The following TCP1 variants were observed in gnomAD, a reference collection of about 807,000 sequenced individuals.
TCP1 encodes the protein T-complex protein 1 subunit alpha.
TCP1 carries 6 observed loss-of-function variants against 54.7 expected under a neutral mutation model. The ratio of observed to expected loss-of-function variants is 0.11; its 90% CI spans 0.06 to 0.22. The LOEUF is 0.22. Ranked by LOEUF, TCP1 falls within the 10% of genes least tolerant of loss-of-function variation. The pLI, the probability that TCP1 is intolerant of heterozygous loss-of-function variation, is 1.00. For missense variants in TCP1, 511 were observed against 678.2 expected, an observed-to-expected ratio of 0.75 and a Z score of 2.74; for synonymous variants, 225 against 229.7, an observed-to-expected ratio of 0.98 and a Z score of 0.19.
chr6:159,780,133 T>C, intron 9 of TCP1, 46 bp from the exon 10 acceptor site: 5 of 1,548,598 alleles, frequency 3.2e-6, no homozygotes, highest in Non-Finnish European at 4.4e-6. Context: ...TTTTTAAAAA[T>C]TTTTTTTTGC....
chr6:159,789,464 T>A lies in TCP1; in HGVS notation c.5A>T (p.Glu2Val). 6.2e-7 allele frequency: 1 copy of A among 1,613,056 alleles called. No individual in the cohort carries two copies. Among genetic ancestry groups the A allele is most frequent in the Non-Finnish European group, 8.5e-7 (1 of 1,179,494 alleles). M[E>V]GPLSVFGDRS... ...GTCACCGAACACGGACAAAGGCCCCTCCATCTTGACGGCAGCGATACACGT... is the reference window on the plus strand; with the variant it reads ...GTCACCGAACACGGACAAAGGCCCCACCATCTTGACGGCAGCGATACACGT... The change falls in exon 1 of 12, where the codon GAG becomes GTG. Residue 2 changes from glutamate to valine, a missense_variant. Glu to Val is a moderately radical substitution (Grantham distance 121, BLOSUM62 -2). Coordinates refer to ENST00000321394, the MANE Select transcript of TCP1 (RefSeq NM_030752.3).
At chr6:159,785,042 C>G in intron 5 of TCP1, 195 bp from the exon 6 acceptor site, 1 of 641,736 alleles carries the variant, frequency 1.6e-6, no homozygotes, top group Non-Finnish European at 2.7e-6. Context: ...TTTTTATTAC[C>G]TTTTCACCCT....
chr6:159,785,522 A>C, intron 4 of TCP1, 26 bp from the exon 5 acceptor site: 1 of 1,556,282 alleles, frequency 6.4e-7, no homozygotes, highest in Non-Finnish European at 8.9e-7. Flanking sequence ...GGGGAGAAAA[A>C]CGCTTATAAA....
intron 10 of TCP1, 39 bp downstream of exon 10, chr6:159,779,850 AGCTACT>A: frequency 6.3e-7 from 1 of 1,598,276 alleles, no homozygotes; most frequent in Middle Eastern, 1.7e-4. Flanking sequence ...TGAAGTCCAC[AGCTACT>A]GCTCTCAGGC....
rs185010451 is a variant in TCP1, at chr6:159,788,243, C to T, written c.65-100G>A. 2.3e-4 allele frequency: 250 copies of T among 1,072,696 alleles called. 1 individual carries two copies. The highest frequency in any genetic ancestry group is 7.3e-5 in the Non-Finnish European group (53 of 724,928). 66.4% of individuals were successfully genotyped at this position (1,072,696 alleles called of 1,614,324 possible). A position where few individuals can be genotyped will look rare whatever the true frequency, so the allele number is the denominator to read the frequency against. On this transcript the variant is annotated intron_variant, in intron 1 of 11. Coordinates refer to ENST00000321394, the MANE Select transcript of TCP1 (RefSeq NM_030752.3). Reference sequence around the variant, plus strand: ...AAGGTAAATGACATCCAACAGCCCCCGTATTTCCCAAATCTACAAATCTGT... The same window carrying T: ...AAGGTAAATGACATCCAACAGCCCCTGTATTTCCCAAATCTACAAATCTGT...
chr6:159,780,352 T>A (rs764872608), intron 9 of TCP1, 91 bp downstream of exon 9: 17 of 1,574,364 alleles, frequency 1.1e-5, no homozygotes, highest in East Asian at 2.2e-5. Flanking sequence ...CGTATCACTG[T>A]GAGACTACAA....
chr6:159,787,445 A>AT (rs1583144441), intron 3 of TCP1, among the ~76,000 whole-genome samples: 1 of 152,236 alleles, frequency 6.6e-6, no homozygotes, highest in East Asian at 1.9e-4. Flanking sequence ...AAACTTGTGA[A>AT]TACCAACATT....
Position 159,781,712 on chromosome 6 carries a change from C to T in TCP1, c.798-602G>A, listed in dbSNP as rs534820944. On this transcript the variant is annotated intron_variant, in intron 7 of 11. Transcript: ENST00000321394. ...ACTTAAACCCGGAAGGCGGAGGTCG[C>T]AGTGAGCCGAGACCGTGCCACTGCA... Among the ~76,000 whole-genome samples the T allele has an allele frequency of 1.5e-4, 23 of 152,324 alleles. 1 individual carries two copies. In the South Asian group the frequency reaches 4.8e-3, roughly 32 times the overall value.
At chr6:159,789,256 A>T in intron 1 of TCP1, 149 bp downstream of exon 1, 1 of 848,156 alleles carries the variant, frequency 1.2e-6, no homozygotes, top group Non-Finnish European at 1.8e-6. Flanking sequence ...CCTGCCCCAG[A>T]GAACGGCGGG....
chr6:159,786,523 A>C (rs1780700700), intron 3 of TCP1, among the ~76,000 whole-genome samples: 1 of 152,250 alleles, frequency 6.6e-6, no homozygotes, highest in South Asian at 2.1e-4. Flanking sequence ...GTGACTATTC[A>C]TATGACCTAT....
At chr6:159,785,006 G>A (rs377744833) in intron 5 of TCP1, 159 bp from the exon 6 acceptor site, 47 of 716,500 alleles carry the variant, frequency 6.6e-5, no homozygotes, top group African/African-American at 6.5e-4. Flanking sequence ...ATCACTATCT[G>A]CAATTCATAT....
chr6:159,779,429 C>G (rs1780518376), intron 11 of TCP1, among the ~76,000 whole-genome samples, 168 bp from the exon 12 acceptor site: 1 of 152,144 alleles, frequency 6.6e-6, no homozygotes, highest in African/African-American at 2.4e-5. Flanking sequence ...TCACAGTTAA[C>G]GAAGACACAC....
rs1780555510 is a variant in TCP1, at chr6:159,780,658, A to G, written c.974-92T>C. On this transcript the variant is annotated intron_variant, in intron 8 of 11. Transcript: ENST00000321394. ...GTAGCATTTGTGGTAAAAGTGCTAT[A>G]TTACAAGTTTAGAATTTAGTTAGGC... 3 of 1,490,892 alleles carry G rather than the reference A, an allele frequency of 2.0e-6. No individual in the cohort carries two copies. In the East Asian group the frequency reaches 6.8e-5, roughly 34 times the overall value. 92.4% of individuals were successfully genotyped at this position (1,490,892 alleles called of 1,614,324 possible).
chr6:159,784,773 G>A lies in TCP1; in HGVS notation c.563C>T (p.Pro188Leu). 6.2e-7 allele frequency: 1 copy of A among 1,614,130 alleles called. No homozygotes were observed. Among genetic ancestry groups the A allele is most frequent in the Non-Finnish European group, 8.5e-7 (1 of 1,180,024 alleles). ...ATTAACAGAGTTGACTGGATAGCGT[G>A]GCTGGCCTCTTATGTCTGTGTATTT... ...AIKYTDIRGQ[P>L]RYPVNSVNIL... The change falls in exon 6 of 12, where the codon CCA (proline) becomes CTA (leucine). Residue 188 changes from proline (P) to leucine (L), a missense_variant. Physicochemically the swap from Pro to Leu is moderately conservative, Grantham distance 98. Transcript: ENST00000321394.
intron 1 of TCP1, 98 bp downstream of exon 1, chr6:159,789,307 G>T: frequency 1.4e-6 from 2 of 1,412,444 alleles, no homozygotes; most frequent in Non-Finnish European, 9.8e-7. Context: ...CCCTTTCTGC[G>T]GAGGTAAAGG....
In TCP1 at chr6:159,784,688, G is replaced by A. The variant is rs373508214; in HGVS notation, c.648C>T (p.Leu216=). 4 of 1,613,886 alleles carry A rather than the reference G, an allele frequency of 2.5e-6. No individual in the cohort carries two copies. The highest frequency in any genetic ancestry group is 2.7e-5 in the African/African-American group (2 of 74,922). ...TACCCTGGGATCCCACCACACAGTT[G>A]AGTGCATAGCCACTGATGAGCATAC... The part of the protein sequence containing the change: ...MESMLISGYA[L]NCVVGSQGMP... The change falls in exon 6 of 12, where the codon CTC becomes CTT. Residue 216 remains leucine (L), a synonymous_variant. Coordinates refer to ENST00000321394, the MANE Select transcript of TCP1 (RefSeq NM_030752.3).
intron 6 of TCP1, 44 bp from the exon 7 acceptor site, chr6:159,784,111 A>G: frequency 6.3e-7 from 1 of 1,586,068 alleles, no homozygotes; most frequent in Non-Finnish European, 8.6e-7. Flanking sequence ...TATCCTTAAA[A>G]GCATAATAAA....
chr6:159,780,900 A>G (rs1780561073), intron 8 of TCP1, 35 bp downstream of exon 8: 3 of 1,555,714 alleles, frequency 1.9e-6, no homozygotes, highest in Non-Finnish European at 2.6e-6. Context: ...AGGGATAATA[A>G]AAGTATTTTA....
intron 7 of TCP1, among the ~76,000 whole-genome samples, chr6:159,782,333 ACT>A (rs1305262669): frequency 6.6e-6 from 1 of 152,240 alleles, no homozygotes; most frequent in East Asian, 1.9e-4. Flanking sequence ...TGTGCTACAC[ACT>A]GTTATATAAA....
Sources: gnomAD v4.1 joint callset for allele counts (sites outside exome capture counted in the v4.1 genomes callset) on GRCh38, gnomAD v4.1.1 for gene constraint, MANE v1.5 for transcripts, NCBI Gene and HGNC (gene_info 2026-07-23, HGNC 2026-07-21) for gene names.